Variants in METTL2B observed in about 807,000 individuals in gnomAD.
The protein encoded by METTL2B is methyltransferase 2B, tRNA N3-cytidine.
A neutral mutation model predicts 51.0 loss-of-function variants in METTL2B; 28 were observed. The observed-to-expected ratio is 0.55, with a 90% CI of 0.41 to 0.75. The LOEUF is 0.75. Among genes scored for constraint, METTL2B ranks in the 30% least tolerant of loss-of-function variants. METTL2B has a pLI of 0.00. For missense variants in METTL2B, 313 were observed against 460.7 expected, an observed-to-expected ratio of 0.68 and a Z score of 2.93; for synonymous variants, 128 against 166.3, an observed-to-expected ratio of 0.77 and a Z score of 1.77.
chr7:128,500,996 A>T, intron 8 of METTL2B, 28 bp downstream of exon 8: 1 of 1,613,922 alleles, frequency 6.2e-7, no homozygotes, highest in East Asian at 2.2e-5. Context: ...TTTTACGCTA[A>T]AAGTCCCCAG....
intron 4 of METTL2B, among the ~76,000 whole-genome samples, chr7:128,483,756 C>T (rs1792620665): frequency 6.6e-6 from 1 of 151,332 alleles, no homozygotes; most frequent in Admixed American, 6.6e-5. Context: ...CGGAGTTTTG[C>T]TCTTGTTGCC....
intron 6 of METTL2B, among the ~76,000 whole-genome samples, chr7:128,496,986 T>C (rs1792935376): frequency 6.6e-6 from 1 of 152,188 alleles, no homozygotes; most frequent in South Asian, 2.1e-4. Context: ...TTTCACCATG[T>C]TGGTCTGGCT....
rs1793048562 is a variant in METTL2B at position 128,502,562 on chromosome 7, A to G, written c.*646A>G. 3 of 453,680 alleles carry G rather than the reference A, an allele frequency of 6.6e-6. No homozygotes were observed. Among genetic ancestry groups the G allele is most frequent in the Non-Finnish European group, 8.8e-6 (2 of 226,556 alleles). The allele number at this position is 453,680 out of a possible 1,614,324, so 28.1% of individuals were successfully genotyped here. On this transcript the variant is annotated 3_prime_UTR_variant, in exon 9 of 9. Coordinates refer to ENST00000262432, the MANE Select transcript of METTL2B (RefSeq NM_018396.3). ...AAAAATGACCCTGTAGACAGCATCA[A>G]AATGTGGTGTTCTTGTTAAGTAATT...
chr7:128,498,023 T>G lies in METTL2B; in HGVS notation c.810-13T>G, dbSNP rs1792956545. 2 of 1,612,728 alleles carry G rather than the reference T, an allele frequency of 1.2e-6. No individual in the cohort carries two copies. The highest frequency in any genetic ancestry group is 1.7e-6 in the Non-Finnish European group (2 of 1,179,160). The stretch of plus-strand genomic sequence containing the variant: ...GGAGACCTGATTAACTATAATTCCC[T>G]GTGTCTCCACAGGATGCAGAAGGCT... On this transcript the variant is annotated splice_polypyrimidine_tract_variant and intron_variant, in intron 6 of 8. Transcript: ENST00000262432.
intron 4 of METTL2B, among the ~76,000 whole-genome samples, chr7:128,485,895 C>T (rs1468588425): frequency 1.3e-5 from 2 of 152,146 alleles, no homozygotes; most frequent in Non-Finnish European, 2.9e-5. Flanking sequence ...TTAATGTATG[C>T]AGGAGGATGT....
chr7:128,492,594 GGTTTGTTTGTTT>G (rs3993549), intron 5 of METTL2B, among the ~76,000 whole-genome samples: 9 of 150,426 alleles, frequency 6.0e-5, no homozygotes, highest in African/African-American at 1.5e-4. Flanking sequence ...TCGTGCTTTT[GGTTTGTTTGTTT>G]GTTTGTTTGT....
intron 5 of METTL2B, among the ~76,000 whole-genome samples, chr7:128,489,515 T>C (rs1197216900): frequency 1.3e-5 from 2 of 152,056 alleles, no homozygotes; most frequent in African/African-American, 4.8e-5. Flanking sequence ...CAGTAAGTTG[T>C]AATCTTTGCT....
intron 4 of METTL2B, among the ~76,000 whole-genome samples, chr7:128,484,756 C>A (rs940914765): frequency 6.6e-6 from 1 of 152,084 alleles, no homozygotes; most frequent in Non-Finnish European, 1.5e-5. Context: ...CCACACCCAG[C>A]TAATTTTTGT....
At chr7:128,493,104 C>T (rs1792864536) in intron 5 of METTL2B, among the ~76,000 whole-genome samples, 1 of 152,206 alleles carries the variant, frequency 6.6e-6, no homozygotes, top group East Asian at 1.9e-4. Flanking sequence ...TTAGATTCCT[C>T]ACTGTCTCCC....
At chr7:128,484,827 T>G (rs1272640555) in intron 4 of METTL2B, among the ~76,000 whole-genome samples, 1 of 152,094 alleles carries the variant, frequency 6.6e-6, no homozygotes, top group Admixed American at 6.6e-5. Flanking sequence ...GTGATCTGCC[T>G]GCCTCGGCCT....
chr7:128,496,144 A>G (rs1044477278), intron 6 of METTL2B, among the ~76,000 whole-genome samples: 2 of 147,512 alleles, frequency 1.4e-5, no homozygotes, highest in Admixed American at 6.8e-5. Flanking sequence ...AGAAGGCCAC[A>G]CTTCCTCTAG....
chr7:128,501,118 G>C (rs558703546), intron 8 of METTL2B, 150 bp downstream of exon 8: 325 of 1,511,598 alleles, frequency 2.2e-4, no homozygotes, highest in Non-Finnish European at 2.2e-4. Context: ...TCCACCCTGG[G>C]CTAGGCTACC....
At chr7:128,497,557 A>G (rs1282094160) in intron 6 of METTL2B, among the ~76,000 whole-genome samples, 1 of 152,192 alleles carries the variant, frequency 6.6e-6, no homozygotes, top group Non-Finnish European at 1.5e-5. Flanking sequence ...ATCTTGGCTC[A>G]CTGCAACCTC....
chr7:128,489,101 G>A (rs1264311401), intron 5 of METTL2B, among the ~76,000 whole-genome samples: 1 of 151,844 alleles, frequency 6.6e-6, no homozygotes, highest in Non-Finnish European at 1.5e-5. Flanking sequence ...ACGACAGAGC[G>A]AGACTCCATC....
At chr7:128,483,165 T>C (rs1799893530) in intron 4 of METTL2B, 2 of 152,192 alleles carry the variant, frequency 1.3e-5, no homozygotes, top group African/African-American at 2.4e-5. Flanking sequence ...ATCATCAATA[T>C]CATCAATGAA....
chr7:128,501,250 C>T, intron 8 of METTL2B: 1 of 985,440 alleles, frequency 1.0e-6, no homozygotes. Context: ...CAAGGCTCAC[C>T]TCCAGTCCAG....
At chr7:128,494,923 CT>C (rs1366270580) in intron 6 of METTL2B, among the ~76,000 whole-genome samples, 1 of 151,028 alleles carries the variant, frequency 6.6e-6, no homozygotes, top group African/African-American at 2.4e-5. Context: ...CCACGCTGGC[CT>C]TTTTTTTGAA....
At chr7:128,491,481 C>T (rs1393814987) in intron 5 of METTL2B, among the ~76,000 whole-genome samples, 2 of 151,890 alleles carry the variant, frequency 1.3e-5, no homozygotes, top group Non-Finnish European at 2.9e-5. Context: ...GTAGTCCCAG[C>T]TACTCGGGAG....
intron 2 of METTL2B, among the ~76,000 whole-genome samples, 193 bp downstream of exon 2, chr7:128,477,366 T>C (rs905159922): frequency 1.3e-5 from 2 of 152,008 alleles, no homozygotes; most frequent in African/African-American, 4.8e-5. Context: ...TCTTAAGTCG[T>C]AGAGGGTTTT....
Sources: gnomAD v4.1 joint callset for allele counts (sites outside exome capture counted in the v4.1 genomes callset) on GRCh38, gnomAD v4.1.1 for gene constraint, MANE v1.5 for transcripts, NCBI Gene and HGNC (gene_info 2026-07-23, HGNC 2026-07-21) for gene names.